CUX1: variants seen among roughly 807,000 people sequenced by gnomAD.
CUX1 encodes protein CASP.
In CUX1, 31 loss-of-function variants were observed where a neutral mutation model predicts 158.8. The ratio of observed to expected loss-of-function variants is 0.20; its 90% CI spans 0.15 to 0.26. CUX1 has a LOEUF of 0.26. Among genes scored for constraint, CUX1 ranks in the 10% least tolerant of loss-of-function variants. The pLI is 1.00. For synonymous variants in CUX1, 879 were observed against 862.1 expected (o/e 1.02, Z -0.34); for missense variants, 1,589 against 2,014.6 (o/e 0.79, Z 4.04).
At chr7:102,247,520 C>T (rs1452952850) in intron 23 of CUX1, among the ~76,000 whole-genome samples, 1 of 152,034 alleles carries the variant, frequency 6.6e-6, no homozygotes, top group African/African-American at 2.4e-5. Context: ...ATGGAGGAAA[C>T]GTGTCACTCG....
chr7:101,918,345 G>C (rs1033060956), intron 2 of CUX1, among the ~76,000 whole-genome samples: 15 of 152,196 alleles, frequency 9.9e-5, no homozygotes, highest in East Asian at 5.8e-4. Context: ...ATCTCCTTCT[G>C]ATCCCAATAA....
intron 1 of CUX1, among the ~76,000 whole-genome samples, chr7:101,908,653 ATGGTC>A (rs1803041573): frequency 6.6e-6 from 1 of 152,044 alleles, no homozygotes; most frequent in Non-Finnish European, 1.5e-5. Context: ...TTTTTGTCCC[ATGGTC>A]TGGTCCTGTC....
At chr7:102,075,878 C>T (rs1201285240) in intron 4 of CUX1, among the ~76,000 whole-genome samples, 1 of 152,196 alleles carries the variant, frequency 6.6e-6, no homozygotes, top group Non-Finnish European at 1.5e-5. Flanking sequence ...ACATGTGCAT[C>T]TGAGGACTTC....
chr7:102,098,917 C>T (rs1455418636), intron 5 of CUX1, among the ~76,000 whole-genome samples: 3 of 149,790 alleles, frequency 2.0e-5, no homozygotes, highest in Non-Finnish European at 4.4e-5. Flanking sequence ...CCTCAGCCTC[C>T]CAAAGTGCTG....
At chr7:102,092,911 TCAA>T (rs1828727229) in intron 4 of CUX1, among the ~76,000 whole-genome samples, 2 of 54,546 alleles carry the variant, frequency 3.7e-5, no homozygotes, top group African/African-American at 2.2e-4. Flanking sequence ...AGACTCCGTC[TCAA>T]AAAAAAAAAA....
At position 102,250,592 on chromosome 7, in the gene CUX1, C is replaced by T. The variant is rs1801404381; in HGVS notation, c.*1550C>T. ...CCACTCCCATCCCTGTAGAAATGGC[C>T]CAAACTCACACCAAAACGTGGATGC... On this transcript the variant is annotated 3_prime_UTR_variant, in exon 24 of 24. Coordinates refer to ENST00000292535, the MANE Select transcript of CUX1 (RefSeq NM_181552.4). The T allele has an allele frequency of 2.0e-6, 2 of 985,442 alleles. No homozygotes were observed. Among genetic ancestry groups the T allele is most frequent in the South Asian group, 9.4e-5 (2 of 21,288 alleles). The allele number at this position is 985,442 out of a possible 1,614,324, so 61.0% of individuals were successfully genotyped here.
intron 4 of CUX1, 104 bp downstream of exon 4, chr7:102,070,521 C>A: frequency 7.6e-6 from 6 of 788,346 alleles, no homozygotes; most frequent in Non-Finnish European, 1.2e-5. Flanking sequence ...AATAAATACA[C>A]CATCAGTGGC....
intron 2 of CUX1, among the ~76,000 whole-genome samples, chr7:101,984,986 C>T (rs565397243): frequency 1.3e-5 from 2 of 152,012 alleles, no homozygotes; most frequent in Non-Finnish European, 2.9e-5. Flanking sequence ...TTATTGGGGC[C>T]CTGGTTTTAT....
chr7:102,078,219 G>A (rs1826990028), intron 4 of CUX1, among the ~76,000 whole-genome samples: 1 of 152,092 alleles, frequency 6.6e-6, no homozygotes, highest in Non-Finnish European at 1.5e-5. Flanking sequence ...GGAACTACAG[G>A]CACACGCCAC....
Position 102,201,302 on chromosome 7 carries a change from A to G in CUX1, c.2063-58A>G. 8.9e-6 allele frequency: 14 copies of G among 1,574,298 alleles called. No individual in the cohort carries two copies. The highest frequency in any genetic ancestry group is 1.2e-5 in the Non-Finnish European group (14 of 1,159,728). On this transcript the variant is annotated intron_variant, in intron 17 of 23. Coordinates refer to ENST00000292535, the MANE Select transcript of CUX1 (RefSeq NM_181552.4). The surrounding 1 kb of genome is among the most constrained non-coding windows in gnomAD (Gnocchi z 5.0). The stretch of plus-strand genomic sequence containing the variant: ...AGTAGGTCAAGTTAGGATGAGAAGC[A>G]TGTCCCCAGCTGAAGGGGGCCGCCC...
chr7:102,179,330 G>A (rs781934577), intron 11 of CUX1, among the ~76,000 whole-genome samples: 1 of 152,204 alleles, frequency 6.6e-6, no homozygotes, highest in Non-Finnish European at 1.5e-5. Flanking sequence ...TTACAGGTCT[G>A]AGCCTCTGCA....
chr7:102,209,733 G>A (rs1475807498), intron 20 of CUX1, among the ~76,000 whole-genome samples: 2 of 152,160 alleles, frequency 1.3e-5, no homozygotes, highest in Non-Finnish European at 2.9e-5. Flanking sequence ...TTGTCTGTCA[G>A]TCATTCCAGG....
At chr7:102,185,619 T>G (rs371339337) in intron 11 of CUX1, among the ~76,000 whole-genome samples, 3 of 151,712 alleles carry the variant, frequency 2.0e-5, no homozygotes, top group African/African-American at 7.3e-5. Context: ...TTTTTTTTTT[T>G]GGTAGAGACG....
intron 1 of CUX1, among the ~76,000 whole-genome samples, chr7:101,900,531 G>A (rs1016231806): frequency 6.6e-6 from 1 of 152,184 alleles, no homozygotes; most frequent in African/African-American, 2.4e-5. Flanking sequence ...TTCTTGGCCT[G>A]GCATAAGCTC....
chr7:102,181,718 T>C (rs1442879354), intron 11 of CUX1, among the ~76,000 whole-genome samples: 2 of 152,204 alleles, frequency 1.3e-5, no homozygotes, highest in Non-Finnish European at 2.9e-5. Context: ...TCTTAACTCC[T>C]TGTTGCCAGA....
intron 2 of CUX1, chr7:101,932,347 T>C (rs1344603775): frequency 3.3e-6 from 1 of 299,518 alleles, no homozygotes; most frequent in African/African-American, 2.2e-5. Flanking sequence ...ATAATCAAAG[T>C]GCCAGGAACC....
At chr7:101,878,674 T>C (rs979462575) in intron 1 of CUX1, among the ~76,000 whole-genome samples, 4 of 151,840 alleles carry the variant, frequency 2.6e-5, no homozygotes, top group African/African-American at 9.7e-5. Flanking sequence ...ACAAGATCTT[T>C]TTTTGTTTTT....
intron 1 of CUX1, among the ~76,000 whole-genome samples, chr7:101,842,951 C>T (rs1396991966): frequency 6.7e-6 from 1 of 149,542 alleles, no homozygotes; most frequent in African/African-American, 2.5e-5. Flanking sequence ...CGGCTCACTC[C>T]ACCTCCCGGG....
intron 2 of CUX1, among the ~76,000 whole-genome samples, chr7:101,936,401 G>C (rs1017006396): frequency 1.3e-5 from 2 of 152,138 alleles, no homozygotes; most frequent in Non-Finnish European, 2.9e-5. Context: ...TTTCCAGAGC[G>C]AGATGAAGGT....
Sources: allele counts gnomAD v4.1 joint callset (sites outside exome capture counted in the v4.1 genomes callset), GRCh38; gene constraint gnomAD v4.1.1; non-coding constraint Gnocchi (gnomAD v3.1); transcripts MANE v1.5; gene names NCBI Gene and HGNC (gene_info 2026-07-23, HGNC 2026-07-21).